The following SHISA6 variants were observed in gnomAD, a reference collection of about 807,000 sequenced individuals.
The protein encoded by SHISA6 is shisa family member 6.
In SHISA6, 22 loss-of-function variants were observed where a neutral mutation model predicts 47.9. The ratio of observed to expected loss-of-function variants is 0.46; its 90% CI spans 0.33 to 0.66. SHISA6 has a LOEUF of 0.66. Ranked by LOEUF, SHISA6 falls within the 30% of genes least tolerant of loss-of-function variation. SHISA6 has a pLI of 0.02. For missense variants in SHISA6, 680 were observed against 764.6 expected (o/e 0.89, Z 1.30); for synonymous variants, 388 against 337.8 (o/e 1.15, Z -1.63).
chr17:11,510,621 T>C (rs2071533881), intron 3 of SHISA6, among the ~76,000 whole-genome samples: 1 of 152,222 alleles, frequency 6.6e-6, no homozygotes, highest in South Asian at 2.1e-4. Flanking sequence ...TGCCCTAATG[T>C]GGCAGTCTTT....
chr17:11,317,432 A>T (rs990502262), intron 2 of SHISA6, among the ~76,000 whole-genome samples: 11 of 151,854 alleles, frequency 7.2e-5, no homozygotes, highest in African/African-American at 2.4e-4. Flanking sequence ...TTGATCATAA[A>T]CATATAGTTT....
chr17:11,465,001 GA>G (rs1296259890), intron 3 of SHISA6, among the ~76,000 whole-genome samples: 1 of 151,046 alleles, frequency 6.6e-6, no homozygotes, highest in African/African-American at 2.4e-5. Context: ...GCTGCCACTT[GA>G]TTATGTTTCT....
At chr17:11,279,096 C>A (rs2142159505) in intron 2 of SHISA6, among the ~76,000 whole-genome samples, 1 of 152,276 alleles carries the variant, frequency 6.6e-6, no homozygotes, top group Admixed American at 6.5e-5. Context: ...GCTGGCTTCA[C>A]TCCTTGTGGT....
intron 2 of SHISA6, among the ~76,000 whole-genome samples, chr17:11,365,060 A>T (rs1024253061): frequency 6.6e-5 from 10 of 152,204 alleles, no homozygotes; most frequent in African/African-American, 2.4e-4. Context: ...TACAAAGGAT[A>T]TTCTTGACCA....
chr17:11,290,006 G>A (rs1388420501), intron 2 of SHISA6: 4 of 152,096 alleles, frequency 2.6e-5, no homozygotes. Context: ...GTGTTCATAT[G>A]TAATATTTTT....
At chr17:11,525,279 G>A (rs550504910) in intron 3 of SHISA6, among the ~76,000 whole-genome samples, 3 of 152,194 alleles carry the variant, frequency 2.0e-5, no homozygotes, top group East Asian at 1.9e-4. Flanking sequence ...ACAACCAGTC[G>A]TAGGGGAGAT....
At chr17:11,436,448 T>C (rs985646405) in intron 3 of SHISA6, among the ~76,000 whole-genome samples, 50 of 152,240 alleles carry the variant, frequency 3.3e-4, no homozygotes, top group African/African-American at 1.2e-3. Context: ...TACAGTTATA[T>C]TATTCTCTTG....
chr17:11,269,035 TGTTTGTCTG>T (rs1567555560), intron 2 of SHISA6, among the ~76,000 whole-genome samples: 3 of 150,130 alleles, frequency 2.0e-5, no homozygotes, highest in African/African-American at 5.0e-5. Flanking sequence ...CAGTTTTTTT[TGTTTGTCTG>T]TTTTGTTTTT....
intron 3 of SHISA6, among the ~76,000 whole-genome samples, chr17:11,481,798 A>T (rs143896932): frequency 3.2e-3 from 483 of 152,054 alleles, no homozygotes; most frequent in African/African-American, 0.011. Context: ...GCCCCTGAAG[A>T]TATATTTAAG....
intron 3 of SHISA6, among the ~76,000 whole-genome samples, chr17:11,414,212 G>C (rs970587107): frequency 6.6e-6 from 1 of 151,702 alleles, no homozygotes; most frequent in Non-Finnish European, 1.5e-5. Flanking sequence ...ATCTTTACCA[G>C]ACCCTAAAAT....
At position 11,241,902 on chromosome 17, in the gene SHISA6, GC is replaced by G. The variant is rs1567696802; in HGVS notation, c.482del (p.Pro161ArgfsTer24). 6.4e-7 allele frequency: 1 copy of G among 1,551,048 alleles called. No homozygotes were observed. ...AGACGCCCAGCACCAAGGTGGTGTCGCCGGGGCCCGAGAACAAGTACGACCC... is the reference window on the plus strand; with the variant it reads ...AGACGCCCAGCACCAAGGTGGTGTCGCGGGGCCCGAGAACAAGTACGACCC... ...VQTPSTKVVSPGPENKYDPEK... is the reference protein window; with the variant it reads ...VQTPSTKVVSXGPENKYDPEK... On this transcript the variant is annotated frameshift_variant, in exon 1 of 6. Transcript: ENST00000441885. LOFTEE classifies it high-confidence loss of function. The surrounding 1 kb of genome is among the most constrained non-coding windows in gnomAD (Gnocchi z 5.5).
intron 3 of SHISA6, among the ~76,000 whole-genome samples, chr17:11,419,260 G>A (rs925915270): frequency 6.6e-5 from 10 of 151,090 alleles, no homozygotes; most frequent in African/African-American, 1.7e-4. Context: ...AGAAAACAAA[G>A]CAAAACAAAA....
At chr17:11,443,546 A>G (rs1389271111) in intron 3 of SHISA6, among the ~76,000 whole-genome samples, 2 of 152,202 alleles carry the variant, frequency 1.3e-5, no homozygotes, top group Admixed American at 1.3e-4. Context: ...GAGTAGAGGC[A>G]TGGTTGTAGA....
chr17:11,406,825 C>G (rs1377302756), intron 3 of SHISA6, among the ~76,000 whole-genome samples: 2 of 152,246 alleles, frequency 1.3e-5, no homozygotes, highest in African/African-American at 4.8e-5. Flanking sequence ...CATATTTGCT[C>G]AAACTAGTCC....
chr17:11,485,596 G>A (rs1159856882), intron 3 of SHISA6, among the ~76,000 whole-genome samples: 2 of 152,068 alleles, frequency 1.3e-5, no homozygotes, highest in African/African-American at 2.4e-5. Context: ...CACGCGCACT[G>A]AGTGAGCCTC....
At chr17:11,405,807 A>G (rs758245139) in intron 3 of SHISA6, among the ~76,000 whole-genome samples, 1 of 152,158 alleles carries the variant, frequency 6.6e-6, no homozygotes, top group Non-Finnish European at 1.5e-5. Flanking sequence ...AAAAAAAGAA[A>G]AGAAAAAAAA....
At chr17:11,363,321 A>G (rs1444455035) in intron 2 of SHISA6, among the ~76,000 whole-genome samples, 1 of 151,976 alleles carries the variant, frequency 6.6e-6, no homozygotes, top group Non-Finnish European at 1.5e-5. Context: ...GACAAAGACT[A>G]TATTTTTGAG....
chr17:11,537,450 G>T (rs1262148191), intron 3 of SHISA6, among the ~76,000 whole-genome samples: 1 of 152,072 alleles, frequency 6.6e-6, no homozygotes, highest in African/African-American at 2.4e-5. Flanking sequence ...AGCTGTGTTG[G>T]AATGAATTAG....
At chr17:11,458,059 T>C (rs1915593987) in intron 3 of SHISA6, among the ~76,000 whole-genome samples, 1 of 144,278 alleles carries the variant, frequency 6.9e-6, no homozygotes, top group Admixed American at 7.1e-5. Context: ...CACTCCAGCC[T>C]GGATGACATA....
Sources: gnomAD v4.1 joint callset for allele counts (sites outside exome capture counted in the v4.1 genomes callset) on GRCh38, gnomAD v4.1.1 for gene constraint, Gnocchi (gnomAD v3.1) non-coding constraint, MANE v1.5 for transcripts, NCBI Gene and HGNC (gene_info 2026-07-23, HGNC 2026-07-21) for gene names.